GRM5: variants seen among roughly 807,000 people sequenced by gnomAD.
GRM5 encodes glutamate metabotropic receptor 5, also known as metabotropic glutamate receptor 5.
GRM5 carries 19 observed loss-of-function variants against 83.1 expected under a neutral mutation model. The ratio of observed to expected loss-of-function variants is 0.23; its 90% CI spans 0.16 to 0.34. GRM5 has a LOEUF of 0.34. GRM5 is among the 10% of genes least tolerant of loss of function. The pLI is 1.00. For synonymous variants in GRM5, 675 were observed against 633.6 expected (o/e 1.07, Z -0.98); for missense variants, 1,160 against 1,588.3 (o/e 0.73, Z 4.58).
intron 3 of GRM5, among the ~76,000 whole-genome samples, chr11:88,836,591 A>G (rs1944099095): frequency 6.6e-6 from 1 of 152,136 alleles, no homozygotes; most frequent in Admixed American, 6.5e-5. Context: ...CAGGAGTTTG[A>G]GACCAACGTG....
intron 3 of GRM5, among the ~76,000 whole-genome samples, chr11:88,669,398 C>A (rs1415143839): frequency 1.3e-5 from 2 of 152,134 alleles, no homozygotes; most frequent in East Asian, 3.9e-4. Context: ...ATATTTCTTC[C>A]TGATATCCAG....
At chr11:88,531,943 C>T (rs1021361906) in intron 8 of GRM5, among the ~76,000 whole-genome samples, 14 of 152,024 alleles carry the variant, frequency 9.2e-5, no homozygotes, top group African/African-American at 3.4e-4. Context: ...CCTAAGCTAG[C>T]TGTCATTCAG....
At chr11:89,000,882 T>C (rs1316572813) in intron 2 of GRM5, among the ~76,000 whole-genome samples, 1 of 151,898 alleles carries the variant, frequency 6.6e-6, no homozygotes, top group African/African-American at 2.4e-5. Flanking sequence ...CATTAGTATA[T>C]GGGCAAAGTC....
At chr11:88,657,101 A>T (rs1939783385) in intron 3 of GRM5, among the ~76,000 whole-genome samples, 1 of 152,178 alleles carries the variant, frequency 6.6e-6, no homozygotes, top group Non-Finnish European at 1.5e-5. Flanking sequence ...TGAGTCAACA[A>T]TTTATATTAA....
chr11:89,050,189 GAA>G (rs1437535196), intron 1 of GRM5, among the ~76,000 whole-genome samples: 2 of 152,146 alleles, frequency 1.3e-5, no homozygotes, highest in Non-Finnish European at 2.9e-5. Flanking sequence ...GAAGGTATGC[GAA>G]GTTTGTTACT....
intron 2 of GRM5, among the ~76,000 whole-genome samples, chr11:88,901,196 G>A (rs976232376): frequency 3.3e-5 from 5 of 151,976 alleles, no homozygotes; most frequent in East Asian, 1.9e-4. Flanking sequence ...CTGGTATGTC[G>A]GTTTCCTTAT....
intron 3 of GRM5, among the ~76,000 whole-genome samples, chr11:88,794,507 G>A (rs1943238078): frequency 6.6e-6 from 1 of 152,074 alleles, no homozygotes; most frequent in South Asian, 2.1e-4. Context: ...AAAATATTCT[G>A]TTAGACATTT....
chr11:88,702,089 G>A (rs1941048813), intron 3 of GRM5, among the ~76,000 whole-genome samples: 1 of 151,968 alleles, frequency 6.6e-6, no homozygotes, highest in Non-Finnish European at 1.5e-5. Flanking sequence ...GTTGTCTGCT[G>A]TCCCGTTAGC....
rs943003848 is a variant in GRM5, at chr11:88,789,679, AC to A, written c.911+60226del. Among the ~76,000 whole-genome samples the A allele has an allele frequency of 2.0e-4, 30 of 152,256 alleles. No homozygotes were observed. In the Middle Eastern group the frequency reaches 0.01, roughly 52 times the overall value. ...AATTTTCTAACTCCTCAAACCACAC[AC>A]CAGTGGCATTCCAAAGCCTACAGAA... On this transcript the variant is annotated intron_variant, in intron 3 of 9. Transcript: ENST00000305447.
intron 3 of GRM5, among the ~76,000 whole-genome samples, chr11:88,758,664 A>G (rs899421758): frequency 6.6e-6 from 1 of 152,218 alleles, no homozygotes; most frequent in Non-Finnish European, 1.5e-5. Context: ...CTTGGAAAGC[A>G]TATTTCAGGA....
intron 2 of GRM5, among the ~76,000 whole-genome samples, chr11:89,002,181 C>T (rs917775907): frequency 6.6e-6 from 1 of 152,018 alleles, no homozygotes; most frequent in Non-Finnish European, 1.5e-5. Flanking sequence ...AGTATCTAGG[C>T]TAAGAAAAAT....
chr11:88,896,552 T>C (rs1194645133), intron 2 of GRM5, among the ~76,000 whole-genome samples: 2 of 151,846 alleles, frequency 1.3e-5, no homozygotes, highest in African/African-American at 4.8e-5. Context: ...GGCATTTGCT[T>C]ACACAATTAT....
At chr11:88,610,124 G>C (rs538508799) in intron 4 of GRM5, among the ~76,000 whole-genome samples, 17 of 152,078 alleles carry the variant, frequency 1.1e-4, no homozygotes, top group Non-Finnish European at 2.5e-4. Flanking sequence ...CATGCTGTTT[G>C]GGTTGCTGTA....
intron 2 of GRM5, among the ~76,000 whole-genome samples, chr11:88,939,022 T>A (rs951010333): frequency 1.3e-5 from 2 of 151,808 alleles, no homozygotes; most frequent in African/African-American, 4.8e-5. Flanking sequence ...ATATTTTAAA[T>A]TCACAATTGC....
intron 2 of GRM5, among the ~76,000 whole-genome samples, chr11:89,009,675 T>C (rs1940629197): frequency 6.6e-6 from 1 of 151,446 alleles, no homozygotes; most frequent in African/African-American, 2.4e-5. Context: ...GGCGGGCGGA[T>C]CACGAGGTCA....
At chr11:89,015,077 G>T (rs1332143375) in intron 2 of GRM5, among the ~76,000 whole-genome samples, 1 of 152,146 alleles carries the variant, frequency 6.6e-6, no homozygotes, top group East Asian at 1.9e-4. Flanking sequence ...AAAGAGCACA[G>T]GTGTCAAAAG....
chr11:88,543,703 G>A (rs1411860311), intron 8 of GRM5, among the ~76,000 whole-genome samples: 1 of 147,848 alleles, frequency 6.8e-6, no homozygotes, highest in Non-Finnish European at 1.5e-5. Flanking sequence ...TACCCACAAA[G>A]GATCGAGTTA....
At chr11:88,890,981 T>C (rs868262361) in intron 2 of GRM5, among the ~76,000 whole-genome samples, 9 of 152,144 alleles carry the variant, frequency 5.9e-5, no homozygotes, top group African/African-American at 2.2e-4. Flanking sequence ...AGGAATTATC[T>C]TAAATTTGAT....
chr11:88,801,229 C>T (rs1943387326), intron 3 of GRM5, among the ~76,000 whole-genome samples: 1 of 152,056 alleles, frequency 6.6e-6, no homozygotes, highest in African/African-American at 2.4e-5. Flanking sequence ...AGTACATTGC[C>T]ATGTAGATAC....
Sources: allele counts gnomAD v4.1 joint callset (sites outside exome capture counted in the v4.1 genomes callset), GRCh38; gene constraint gnomAD v4.1.1; transcripts MANE v1.5; gene names NCBI Gene and HGNC (gene_info 2026-07-23, HGNC 2026-07-21).